Variants in CD37 observed in about 807,000 individuals in gnomAD.
The protein encoded by CD37 is leukocyte antigen CD37.
Under a neutral mutation model 38.9 loss-of-function variants are expected in CD37, and 37 were observed. The observed-to-expected ratio is 0.95, with a 90% CI of 0.73 to 1.25. The LOEUF (loss-of-function observed/expected upper bound fraction) is 1.25. CD37 is among the 50% of genes most tolerant of loss of function. CD37 has a pLI of 0.00. For synonymous variants in CD37, 146 were observed against 150.1 expected (o/e 0.97, Z 0.20); for missense variants, 351 against 360.1 (o/e 0.97, Z 0.20).
chr19:49,339,181 G>T lies in CD37; in HGVS notation c.685-149G>T. 4.0e-6 allele frequency: 3 copies of T among 749,880 alleles called. No individual in the cohort carries two copies. In the South Asian group the frequency reaches 5.0e-5, roughly 13 times the overall value. 46.5% of individuals were successfully genotyped at this position (749,880 alleles called of 1,614,324 possible). ...GCCAGGCTTGGAAAAGGTGAAGCGAGGGTGCACTAGTAAGGAGACTAGAGT... is the reference window on the plus strand; with the variant it reads ...GCCAGGCTTGGAAAAGGTGAAGCGATGGTGCACTAGTAAGGAGACTAGAGT... On this transcript the variant is annotated intron_variant, in intron 6 of 7. Coordinates refer to ENST00000323906, the MANE Select transcript of CD37 (RefSeq NM_001774.3). The surrounding 1 kb of genome is among the most constrained non-coding windows in gnomAD (Gnocchi z 4.5).
intron 7 of CD37, 97 bp from the exon 8 acceptor site, chr19:49,340,152 TTC>T: frequency 3.5e-6 from 4 of 1,140,166 alleles, no homozygotes; most frequent in Non-Finnish European, 2.5e-6. Context: ...TCCCGCCCAA[TTC>T]ACGGCCCCAC....
chr19:49,339,601 T>G lies in CD37; in HGVS notation c.768+188T>G, dbSNP rs1885996709. 1 of 1,441,580 alleles carries G rather than the reference T, an allele frequency of 6.9e-7. No homozygotes were observed. Among genetic ancestry groups the G allele is most frequent in the African/African-American group, 1.4e-5 (1 of 69,632 alleles). 89.3% of individuals were successfully genotyped at this position (1,441,580 alleles called of 1,614,324 possible). On this transcript the variant is annotated intron_variant, in intron 7 of 7. Transcript: ENST00000323906. The surrounding 1 kb of genome is among the most constrained non-coding windows in gnomAD (Gnocchi z 4.5). The stretch of plus-strand genomic sequence containing the variant: ...CCAGCTTCAGGGAGCCCTGATTGGG[T>G]GTACGCAGGGAAAGCCTCCTGCTAT...
At chr19:49,337,607 T>G in intron 4 of CD37, 1 of 1,452,412 alleles carries the variant, frequency 6.9e-7, no homozygotes, top group Non-Finnish European at 9.1e-7. Context: ...AGACCCTGTC[T>G]CAAAAAATAA....
rs1022477402 is a variant in CD37 at position 49,338,365 on chromosome 19, G to A, written c.448-335G>A. On this transcript the variant is annotated intron_variant, in intron 5 of 7. Coordinates refer to ENST00000323906, the MANE Select transcript of CD37 (RefSeq NM_001774.3). The surrounding 1 kb of genome is among the most constrained non-coding windows in gnomAD (Gnocchi z 5.0). ...GTGACTCTGGCTTCCACCGGACCCC[G>A]CCCCCGATGAGACTCACATGGTCTC... Among the ~76,000 whole-genome samples, 4 of 137,164 alleles carry A rather than the reference G, an allele frequency of 2.9e-5. No individual in the cohort carries two copies. The highest frequency in any genetic ancestry group is 4.6e-5 in the Non-Finnish European group (3 of 64,558). The allele number at this position is 137,164 out of a possible 152,430, so 90.0% of individuals were successfully genotyped here. A position where few individuals can be genotyped will look rare whatever the true frequency, so the allele number is the denominator to read the frequency against.
At chr19:49,340,131 C>T (rs1267014979) in intron 7 of CD37, 120 bp from the exon 8 acceptor site, 3 of 1,534,464 alleles carry the variant, frequency 2.0e-6, no homozygotes, top group Admixed American at 1.8e-5. Flanking sequence ...CTATCCCCTT[C>T]TCCAGCCCCT....
chr19:49,337,539 T>C, intron 4 of CD37: 1 of 938,412 alleles, frequency 1.1e-6, no homozygotes, highest in Non-Finnish European at 1.5e-6. Context: ...GGAGGATCAC[T>C]TGAGCCAGGG....
rs1568549354 is a variant in CD37 at position 49,337,188 on chromosome 19, C to G, written c.309C>G (p.Thr103=). 1 of 1,614,184 alleles carries G rather than the reference C, an allele frequency of 6.2e-7. No homozygotes were observed. Among genetic ancestry groups the G allele is most frequent in the Non-Finnish European group, 8.5e-7 (1 of 1,180,030 alleles). The change falls in exon 4 of 8, where the codon ACC becomes ACG. Residue 103 remains threonine, a synonymous_variant. Transcript: ENST00000323906. ...TGCTCCTGTTTGCCACACAGATCAC[C>G]CTGGGAATCCTCATCTCCACTCAGC... ...MLLLLFATQI[T]LGILISTQRA... is the part of the protein sequence containing the mutation.
intron 2 of CD37, chr19:49,336,597 T>C: frequency 3.4e-6 from 1 of 293,044 alleles, no homozygotes; most frequent in Non-Finnish European, 6.5e-6. Context: ...CTCCTATGCC[T>C]CAGGGAGGTT....
intron 7 of CD37, 57 bp from the exon 8 acceptor site, chr19:49,340,194 A>C (rs1447073586): frequency 1.3e-6 from 2 of 1,529,224 alleles, no homozygotes; most frequent in African/African-American, 2.8e-5. Flanking sequence ...GGTGGGCATC[A>C]CCCCCGTCTC....
intron 7 of CD37, 196 bp from the exon 8 acceptor site, chr19:49,340,055 T>C (rs891532236): frequency 2.8e-5 from 42 of 1,504,852 alleles, no homozygotes; most frequent in African/African-American, 1.4e-4. Flanking sequence ...CCCCCACTTG[T>C]AGCAGCTATT....
chr19:49,340,127 C>G (rs1056827837), intron 7 of CD37, 124 bp from the exon 8 acceptor site: 4 of 1,536,220 alleles, frequency 2.6e-6, no homozygotes, highest in Non-Finnish European at 3.5e-6. Context: ...CTACCTATCC[C>G]CTTCTCCAGC....
In CD37 at chr19:49,339,728, C is replaced by T. The variant is rs905652575; in HGVS notation, c.768+315C>T. 2.1e-6 allele frequency: 3 copies of T among 1,399,240 alleles called. No individual in the cohort carries two copies. Among genetic ancestry groups the T allele is most frequent in the East Asian group, 2.7e-5 (1 of 37,654 alleles). 86.7% of individuals were successfully genotyped at this position (1,399,240 alleles called of 1,614,324 possible). A position where few individuals can be genotyped will look rare whatever the true frequency, so the allele number is the denominator to read the frequency against. ...CGCCGGAAATGCGAGCCGCACGTGC[C>T]GGGCGCTGGGGATTCGAGCCCCGGG... On this transcript the variant is annotated intron_variant, in intron 7 of 7. Transcript: ENST00000323906. This position sits in a 1 kb window ranked among gnomAD's most constrained non-coding sequence, Gnocchi z 4.5.
Position 49,338,780 on chromosome 19 carries a change from C to T in CD37, c.528C>T (p.Arg176=), listed in dbSNP as rs376219222. The T allele has an allele frequency of 1.7e-5, 28 of 1,613,768 alleles. No homozygotes were observed. In the African/African-American group the frequency reaches 3.6e-4, roughly 21 times the overall value. Residue 176 remains arginine (R), a synonymous_variant, in exon 6 of 8, where the codon CGC becomes CGT. Coordinates refer to ENST00000323906, the MANE Select transcript of CD37 (RefSeq NM_001774.3). The surrounding 1 kb of genome is among the most constrained non-coding windows in gnomAD (Gnocchi z 5.0). ...ILRGNGSEAH[R]VPCSCYNLSA... is the part of the protein sequence containing the mutation. ...GAGGTAACGGGTCGGAGGCGCACCG[C>T]GTGCCCTGCTCCTGCTACAACTTGT...
Position 49,338,668 on chromosome 19 carries a change from C to A in CD37, c.448-32C>A. ...ATCCCCAACATCATATGTCTCCAGTCCCGGTCCCTCTGACTCGTATCCCTC... is the reference window on the plus strand; with the variant it reads ...ATCCCCAACATCATATGTCTCCAGTACCGGTCCCTCTGACTCGTATCCCTC... On this transcript the variant is annotated intron_variant, in intron 5 of 7. Coordinates refer to ENST00000323906, the MANE Select transcript of CD37 (RefSeq NM_001774.3). This position sits in a 1 kb window ranked among gnomAD's most constrained non-coding sequence, Gnocchi z 5.0. 1 of 1,508,628 alleles carries A rather than the reference C, an allele frequency of 6.6e-7. No individual in the cohort carries two copies. Among genetic ancestry groups the A allele is most frequent in the African/African-American group, 1.4e-5 (1 of 73,156 alleles). 93.5% of individuals were successfully genotyped at this position (1,508,628 alleles called of 1,614,324 possible).
At position 49,339,260 on chromosome 19, in the gene CD37, G is replaced by T. The variant is rs1163706004; in HGVS notation, c.685-70G>T. ...GCCTGAAGACGGTGAGGGTTGGCCTGAAAAGAACGCTGGGCCTGGGCTTGA... is the reference window on the plus strand; with the variant it reads ...GCCTGAAGACGGTGAGGGTTGGCCTTAAAAGAACGCTGGGCCTGGGCTTGA... On this transcript the variant is annotated intron_variant, in intron 6 of 7. Coordinates refer to ENST00000323906, the MANE Select transcript of CD37 (RefSeq NM_001774.3). The surrounding 1 kb of genome is among the most constrained non-coding windows in gnomAD (Gnocchi z 4.5). 14 of 1,437,802 alleles carry T rather than the reference G, an allele frequency of 9.7e-6. No homozygotes were observed. The highest frequency in any genetic ancestry group is 3.5e-5 in the Admixed American group (2 of 57,636). 89.1% of individuals were successfully genotyped at this position (1,437,802 alleles called of 1,614,324 possible).
In CD37 at chr19:49,338,727, C is replaced by T. The variant is rs892651074; in HGVS notation, c.475C>T (p.Gln159Ter). The change falls in exon 6 of 8, where the codon CAG (glutamine) becomes TAG (stop). Residue 159 changes from glutamine (Q) to a stop codon, truncating the protein, a stop_gained. Coordinates refer to ENST00000323906, the MANE Select transcript of CD37 (RefSeq NM_001774.3). LOFTEE classifies it high-confidence loss of function. This position sits in a 1 kb window ranked among gnomAD's most constrained non-coding sequence, Gnocchi z 5.0. ...QLRCCGWHYP[Q>*]DWFQVLILRG... ...GCGCTGCTGCGGCTGGCACTACCCG[C>T]AGGACTGGTTCCAAGTCCTCATCCT... 6.2e-7 allele frequency: 1 copy of T among 1,612,616 alleles called. No individual in the cohort carries two copies.
At position 49,335,630 on chromosome 19, in the gene CD37, C is replaced by G; in HGVS notation, c.69+21C>G. Reference sequence around the variant, plus strand: ...TCTTCGTGAGTTGCCTCATGGCTACCCAGCCGGGGCCCAGCCCCTGCCGCT... The same window carrying G: ...TCTTCGTGAGTTGCCTCATGGCTACGCAGCCGGGGCCCAGCCCCTGCCGCT... On this transcript the variant is annotated intron_variant, in intron 1 of 7. Transcript: ENST00000323906. The surrounding 1 kb of genome is among the most constrained non-coding windows in gnomAD (Gnocchi z 4.6). 2 of 1,612,216 alleles carry G rather than the reference C, an allele frequency of 1.2e-6. No homozygotes were observed. The highest frequency in any genetic ancestry group is 1.7e-6 in the Non-Finnish European group (2 of 1,178,332).
chr19:49,338,300 A>C lies in CD37; in HGVS notation c.447+271A>C. 2 of 840,962 alleles carry C rather than the reference A, an allele frequency of 2.4e-6. No homozygotes were observed. The highest frequency in any genetic ancestry group is 3.3e-6 in the Non-Finnish European group (2 of 600,782). The allele number at this position is 840,962 out of a possible 1,614,324, so 52.1% of individuals were successfully genotyped here. On this transcript the variant is annotated intron_variant, in intron 5 of 7. Transcript: ENST00000323906. The surrounding 1 kb of genome is among the most constrained non-coding windows in gnomAD (Gnocchi z 5.0). ...CCCGACCAGAGGTTGTCAGGCCCCTAGTCCCAAGACCCTAGCGAGACACGG... is the reference window on the plus strand; with the variant it reads ...CCCGACCAGAGGTTGTCAGGCCCCTCGTCCCAAGACCCTAGCGAGACACGG...
Position 49,338,159 on chromosome 19 carries a change from C to G in CD37, c.447+130C>G, listed in dbSNP as rs116282919. 6.9e-7 allele frequency: 1 copy of G among 1,457,752 alleles called. No individual in the cohort carries two copies. The highest frequency in any genetic ancestry group is 9.0e-7 in the Non-Finnish European group (1 of 1,106,482). 90.3% of individuals were successfully genotyped at this position (1,457,752 alleles called of 1,614,324 possible). A position where few individuals can be genotyped will look rare whatever the true frequency, so the allele number is the denominator to read the frequency against. ...AACACACCCCAATCCCTCCCAGGCC[C>G]GACGCTCCCCACTCCCCAGATGACA... is the stretch of plus-strand genomic sequence containing the variant. On this transcript the variant is annotated intron_variant, in intron 5 of 7. Coordinates refer to ENST00000323906, the MANE Select transcript of CD37 (RefSeq NM_001774.3). This position sits in a 1 kb window ranked among gnomAD's most constrained non-coding sequence, Gnocchi z 5.0.
Sources: allele counts gnomAD v4.1 joint callset (sites outside exome capture counted in the v4.1 genomes callset), GRCh38; gene constraint gnomAD v4.1.1; non-coding constraint Gnocchi (gnomAD v3.1); transcripts MANE v1.5; gene names NCBI Gene and HGNC (gene_info 2026-07-23, HGNC 2026-07-21).